The following KCNAB1 variants were observed in gnomAD, a reference collection of about 807,000 sequenced individuals.
KCNAB1 encodes potassium voltage-gated channel subfamily A regulatory beta subunit 1, also known as voltage-gated potassium channel subunit beta-1.
KCNAB1 carries 35 observed loss-of-function variants against 64.6 expected under a neutral mutation model. The ratio of observed to expected loss-of-function variants is 0.54; its 90% confidence interval spans 0.41 to 0.72. The LOEUF (loss-of-function observed/expected upper bound fraction) is 0.72, where lower values mean the gene tolerates loss of function less well. Among genes scored for constraint, KCNAB1 ranks in the 30% least tolerant of loss-of-function variants. KCNAB1 has a pLI of 0.00. For missense variants in KCNAB1, 401 were observed against 512.9 expected, an observed-to-expected ratio of 0.78 and a Z score of 2.11; for synonymous variants, 177 against 183.8, an observed-to-expected ratio of 0.96 and a Z score of 0.30.
At chr3:156,464,431 C>A (rs1340372284) in intron 6 of KCNAB1, among the ~76,000 whole-genome samples, 13 of 151,956 alleles carry the variant, frequency 8.6e-5, no homozygotes, top group Non-Finnish European at 2.9e-5. Flanking sequence ...ATTCCATATA[C>A]CAGAGCAATC....
chr3:156,457,658 G>A, intron 4 of KCNAB1, 126 bp downstream of exon 4: 1 of 787,754 alleles, frequency 1.3e-6, no homozygotes, highest in South Asian at 1.6e-5. Flanking sequence ...GCTCTGCTCT[G>A]TTCTGCCCTC....
chr3:156,128,153 T>G (rs1713773714), intron 1 of KCNAB1, among the ~76,000 whole-genome samples: 1 of 152,174 alleles, frequency 6.6e-6, no homozygotes, highest in South Asian at 2.1e-4. Context: ...TCAAATCCCA[T>G]TTTGCAGTAT....
intron 1 of KCNAB1, among the ~76,000 whole-genome samples, chr3:156,365,919 G>A (rs1302972724): frequency 1.3e-5 from 2 of 152,188 alleles, no homozygotes; most frequent in Non-Finnish European, 2.9e-5. Context: ...AAGTCTAAGA[G>A]GTAAAGACTG....
intron 1 of KCNAB1, among the ~76,000 whole-genome samples, chr3:156,281,665 G>A (rs949186139): frequency 6.6e-6 from 1 of 152,052 alleles, no homozygotes; most frequent in African/African-American, 2.4e-5. Context: ...GCTATTCAGA[G>A]ATTCAACTTC....
At chr3:156,125,155 T>C (rs1196090680) in intron 1 of KCNAB1, among the ~76,000 whole-genome samples, 1 of 151,720 alleles carries the variant, frequency 6.6e-6, no homozygotes, top group African/African-American at 2.4e-5. Context: ...AAAAGAACCA[T>C]TGCAAAACTT....
At chr3:156,410,017 T>C (rs954318697) in intron 1 of KCNAB1, among the ~76,000 whole-genome samples, 4 of 152,338 alleles carry the variant, frequency 2.6e-5, no homozygotes, top group African/African-American at 7.2e-5. Flanking sequence ...TGAGTAAGCA[T>C]GTGCTGGATT....
chr3:156,284,826 C>G (rs931826654), intron 1 of KCNAB1, among the ~76,000 whole-genome samples: 1 of 152,214 alleles, frequency 6.6e-6, no homozygotes, highest in Non-Finnish European at 1.5e-5. Context: ...TGCTTCGGCT[C>G]GCGCACGATG....
intron 1 of KCNAB1, among the ~76,000 whole-genome samples, chr3:156,300,690 T>C (rs897734492): frequency 1.8e-4 from 27 of 152,188 alleles, no homozygotes; most frequent in Admixed American, 5.2e-4. Context: ...AAAAAAATCC[T>C]AACCTATTTA....
intron 4 of KCNAB1, 149 bp downstream of exon 4, chr3:156,457,681 TAG>T: frequency 2.9e-6 from 2 of 678,100 alleles, no homozygotes; most frequent in South Asian, 3.6e-5. Context: ...CCACCATTAC[TAG>T]AATTGGGGAT....
intron 1 of KCNAB1, among the ~76,000 whole-genome samples, chr3:156,235,478 A>C (rs889862222): frequency 6.6e-6 from 1 of 152,138 alleles, no homozygotes; most frequent in Non-Finnish European, 1.5e-5. Context: ...CTCCCAACTC[A>C]GTCCACATTC....
chr3:156,359,110 T>C (rs1725440387), intron 1 of KCNAB1, among the ~76,000 whole-genome samples: 1 of 152,192 alleles, frequency 6.6e-6, no homozygotes, highest in Non-Finnish European at 1.5e-5. Flanking sequence ...CCTGAAGAGG[T>C]GTATATATTA....
intron 12 of KCNAB1, among the ~76,000 whole-genome samples, chr3:156,524,671 C>T (rs7610692): frequency 0.49 from 73,209 of 147,968 alleles, 18,213 homozygotes; most frequent in East Asian, 0.62. Flanking sequence ...GGCGTGAACC[C>T]GAGTGGCGGA....
chr3:156,465,755 A>G, intron 7 of KCNAB1, 69 bp downstream of exon 7: 2 of 1,287,522 alleles, frequency 1.6e-6, no homozygotes, highest in South Asian at 2.4e-5. Context: ...TCAACCAAAC[A>G]AATTCAGAAC....
At chr3:156,259,842 C>T (rs947582809) in intron 1 of KCNAB1, among the ~76,000 whole-genome samples, 1 of 152,196 alleles carries the variant, frequency 6.6e-6, no homozygotes, top group Admixed American at 6.5e-5. Context: ...CTTTGTCGCC[C>T]CATCCCACAA....
chr3:156,300,679 A>G (rs1721094628), intron 1 of KCNAB1, among the ~76,000 whole-genome samples: 1 of 151,466 alleles, frequency 6.6e-6, no homozygotes, highest in South Asian at 2.1e-4. Flanking sequence ...TAAAACATTA[A>G]AAAAAAATCC....
chr3:156,295,963 A>G (rs141930090), intron 1 of KCNAB1, among the ~76,000 whole-genome samples: 1 of 152,296 alleles, frequency 6.6e-6, no homozygotes, highest in East Asian at 1.9e-4. Context: ...TATTTCTTCT[A>G]TATCACTATG....
intron 1 of KCNAB1, among the ~76,000 whole-genome samples, chr3:156,272,104 C>A (rs1719070848): frequency 1.3e-5 from 2 of 152,230 alleles, no homozygotes. Context: ...GGAGGAGTGA[C>A]ACCAGCACCC....
intron 2 of KCNAB1, among the ~76,000 whole-genome samples, chr3:156,448,119 T>TCCTTGGTCCATAAAGGGGTTTAATCATA (rs1711720439): frequency 6.6e-6 from 1 of 152,222 alleles, no homozygotes; most frequent in Non-Finnish European, 1.5e-5. Flanking sequence ...AAGCAAATAT[T>TCCTTGGTCCATAAAGGGGTTTAATCATA]CCTTGGTCCA....
chr3:156,368,511 A>G (rs1726096191), intron 1 of KCNAB1, among the ~76,000 whole-genome samples: 1 of 152,160 alleles, frequency 6.6e-6, no homozygotes, highest in Non-Finnish European at 1.5e-5. Flanking sequence ...TGCAGCCTCA[A>G]ACTCCTGGGC....
Sources: allele counts gnomAD v4.1 joint callset (sites outside exome capture counted in the v4.1 genomes callset), GRCh38; gene constraint gnomAD v4.1.1; transcripts MANE v1.5; gene names NCBI Gene and HGNC (gene_info 2026-07-23, HGNC 2026-07-21).